Variants in NECTIN1 observed in about 807,000 individuals in gnomAD.
NECTIN1 encodes the protein nectin cell adhesion molecule 1, also known as nectin-1.
NECTIN1 carries 23 observed loss-of-function variants against 48.0 expected under a neutral mutation model. The ratio of observed to expected loss-of-function variants is 0.48; its 90% CI spans 0.34 to 0.68. NECTIN1 has a LOEUF of 0.68. Ranked by LOEUF, NECTIN1 falls within the 30% of genes least tolerant of loss-of-function variation. NECTIN1 has a pLI of 0.01. For synonymous variants in NECTIN1, 270 were observed against 288.9 expected, an observed-to-expected ratio of 0.93 and a Z score of 0.66; for missense variants, 591 against 709.9, an observed-to-expected ratio of 0.83 and a Z score of 1.90.
chr11:119,660,442 G>A (rs1417335882), downstream of NECTIN1, among the ~76,000 whole-genome samples: 2 of 152,134 alleles, frequency 1.3e-5, no homozygotes, highest in Admixed American at 1.3e-4. Flanking sequence ...GAGCTTGCAG[G>A]GGATGGGGCG....
rs1316952532 is a variant in NECTIN1, at chr11:119,665,527, A to G, written c.1004-230T>C. On this transcript the variant is annotated intron_variant, in intron 5 of 5. Coordinates refer to ENST00000264025, the MANE Select transcript of NECTIN1 (RefSeq NM_002855.5). This position sits in a 1 kb window ranked among gnomAD's most constrained non-coding sequence, Gnocchi z 5.1. ...ACAGGCAAGAGGAGAGGCAGAGGGC[A>G]GTACCCACAGCACCAGGGTCTTCCA... Among the ~76,000 whole-genome samples, 1 of 152,148 alleles carries G rather than the reference A, an allele frequency of 6.6e-6. No homozygotes were observed. The highest frequency in any genetic ancestry group is 1.5e-5 in the Non-Finnish European group (1 of 68,020).
Position 119,664,342 on chromosome 11 carries a change from T to G in NECTIN1, c.*405A>C. 1 of 1,026,642 alleles carries G rather than the reference T, an allele frequency of 9.7e-7. No homozygotes were observed. Among genetic ancestry groups the G allele is most frequent in the Non-Finnish European group, 1.2e-6 (1 of 854,866 alleles). 63.6% of individuals were successfully genotyped at this position (1,026,642 alleles called of 1,614,324 possible). On this transcript the variant is annotated 3_prime_UTR_variant, in exon 6 of 6. Transcript: ENST00000264025. ...GGAGCTTTTCCCTCTTAGAGCCCCT[T>G]GAGCCCTCCACCCCCAGTGAAGAAA...
chr11:119,694,142 T>C (rs972635373), intron 1 of NECTIN1, among the ~76,000 whole-genome samples: 3 of 152,080 alleles, frequency 2.0e-5, no homozygotes, highest in Non-Finnish European at 4.4e-5. Context: ...TGACTCCCCA[T>C]TCACAGAGGG....
At chr11:119,711,954 G>A (rs150078972) in intron 1 of NECTIN1, among the ~76,000 whole-genome samples, 17 of 152,284 alleles carry the variant, frequency 1.1e-4, no homozygotes, top group Non-Finnish European at 2.4e-4. Flanking sequence ...TTGGGGAGGG[G>A]TCCTGCAGAA....
At chr11:119,643,673 C>G (rs867857357) in intron 5 of NECTIN1, among the ~76,000 whole-genome samples, 17 of 152,208 alleles carry the variant, frequency 1.1e-4, no homozygotes, top group African/African-American at 4.1e-4. Flanking sequence ...CTGGCCCCAG[C>G]CAGAACCCTG....
intron 1 of NECTIN1, among the ~76,000 whole-genome samples, chr11:119,682,108 G>T (rs1865069602): frequency 6.6e-6 from 1 of 152,156 alleles, no homozygotes. Flanking sequence ...CGTATTAGGG[G>T]CTGCCTGCCT....
At chr11:119,691,145 C>A (rs1194657526) in intron 1 of NECTIN1, among the ~76,000 whole-genome samples, 1 of 152,202 alleles carries the variant, frequency 6.6e-6, no homozygotes, top group African/African-American at 2.4e-5. Flanking sequence ...GTAGCCCCCG[C>A]CCAGGTCTCA....
chr11:119,662,363 G>T lies in NECTIN1; in HGVS notation c.*2384C>A, dbSNP rs573485964. 1 of 985,822 alleles carries T rather than the reference G, an allele frequency of 1.0e-6. No homozygotes were observed. The highest frequency in any genetic ancestry group is 1.7e-5 in the African/African-American group (1 of 57,332). The allele number at this position is 985,822 out of a possible 1,614,324, so 61.1% of individuals were successfully genotyped here. ...TCATGCCCACCCTCAGCCCAGGCTG[G>T]CAGCTGCTCGGTGGGTATGCTGAGG... On this transcript the variant is annotated 3_prime_UTR_variant, in exon 6 of 6. Transcript: ENST00000264025. This position sits in a 1 kb window ranked among gnomAD's most constrained non-coding sequence, Gnocchi z 5.3.
At chr11:119,675,381 A>C in intron 4 of NECTIN1, 71 bp from the exon 5 acceptor site, 1 of 1,579,766 alleles carries the variant, frequency 6.3e-7, no homozygotes, top group Non-Finnish European at 8.7e-7. Context: ...TGGGTCACCC[A>C]CTTGGCTCCA....
intron 1 of NECTIN1, among the ~76,000 whole-genome samples, chr11:119,697,766 C>A (rs575125093): frequency 1.1e-3 from 175 of 152,314 alleles, no homozygotes; most frequent in African/African-American, 4.0e-3. Context: ...ACTGACACTG[C>A]CCCTTGGTTT....
chr11:119,663,829 AC>A lies in NECTIN1; in HGVS notation c.*917del, dbSNP rs1245420897. On this transcript the variant is annotated 3_prime_UTR_variant, in exon 6 of 6. Transcript: ENST00000264025. ...TGTCTCTGGAAGCTTCTATAGGCAG[AC>A]CCCATTCTCAGCTTAAAGGGGGAAT... is the stretch of plus-strand genomic sequence containing the variant. 25 of 985,364 alleles carry A rather than the reference AC, an allele frequency of 2.5e-5. No individual in the cohort carries two copies. Among genetic ancestry groups the A allele is most frequent in the Non-Finnish European group, 2.7e-5 (22 of 830,028 alleles). 61.0% of individuals were successfully genotyped at this position (985,364 alleles called of 1,614,324 possible).
In NECTIN1 at chr11:119,648,388, GTGGTGA is replaced by G. The variant is rs756593136; in HGVS notation, c.1004-8382_1004-8377del. Among the ~76,000 whole-genome samples, 29 of 19,486 alleles carry G rather than the reference GTGGTGA, an allele frequency of 1.5e-3. 1 individual carries two copies. Among genetic ancestry groups the G allele is most frequent in the African/African-American group, 2.5e-3 (11 of 4,482 alleles). The allele number at this position is 19,486 out of a possible 152,430, so 12.8% of individuals were successfully genotyped here. On this transcript the variant is annotated intron_variant, in intron 5 of 7. Transcript: ENST00000341398. ...GGTGATGGTGGTGATGGTGGTGGTG[GTGGTGA>G]TGGTGGTGATGGTGATGGTGGTGGT...
At chr11:119,679,399 C>A (rs887187053) in intron 1 of NECTIN1, among the ~76,000 whole-genome samples, 1 of 152,342 alleles carries the variant, frequency 6.6e-6, no homozygotes, top group Admixed American at 6.5e-5. Context: ...TTCTCCCTCG[C>A]AGCTGAGTCC....
chr11:119,728,833 C>T lies in NECTIN1; in HGVS notation c.-280G>A. On this transcript the variant is annotated 5_prime_UTR_variant, in exon 1 of 6. Transcript: ENST00000264025. The stretch of plus-strand genomic sequence containing the variant: ...TCCGCTCTCCTCCCGGCGCCGGTCC[C>T]CGCCCTCTTCTTCCACGCAGAGCGG... The T allele has an allele frequency of 2.8e-6, 1 of 351,800 alleles. No individual in the cohort carries two copies. The highest frequency in any genetic ancestry group is 5.1e-6 in the Non-Finnish European group (1 of 196,152). 21.8% of individuals were successfully genotyped at this position (351,800 alleles called of 1,614,324 possible).
intron 1 of NECTIN1, among the ~76,000 whole-genome samples, chr11:119,706,621 T>C (rs1243312073): frequency 6.6e-6 from 1 of 152,232 alleles, no homozygotes; most frequent in Non-Finnish European, 1.5e-5. Flanking sequence ...AACGGCATGA[T>C]ATTGCCCCCA....
intron 5 of NECTIN1, among the ~76,000 whole-genome samples, chr11:119,649,426 G>A (rs549905893): frequency 1.3e-5 from 2 of 151,276 alleles, no homozygotes; most frequent in South Asian, 2.1e-4. Flanking sequence ...AGTGGCTCAC[G>A]CCTGTAATCC....
At position 119,661,874 on chromosome 11, in the gene NECTIN1, G is replaced by A; in HGVS notation, c.*2873C>T. The stretch of plus-strand genomic sequence containing the variant: ...TGTACACATGCCTGCGCGTGGGTGT[G>A]TTGGAGGTGTGAGTGTGTCCACTGT... On this transcript the variant is annotated 3_prime_UTR_variant, in exon 6 of 6. Transcript: ENST00000264025. The A allele has an allele frequency of 1.0e-6, 1 of 985,414 alleles. No homozygotes were observed. Among genetic ancestry groups the A allele is most frequent in the Non-Finnish European group, 1.2e-6 (1 of 829,984 alleles). The allele number at this position is 985,414 out of a possible 1,614,324, so 61.0% of individuals were successfully genotyped here.
intron 5 of NECTIN1, among the ~76,000 whole-genome samples, chr11:119,644,288 C>T (rs913796780): frequency 9.2e-5 from 14 of 152,220 alleles, no homozygotes; most frequent in African/African-American, 3.4e-4. Context: ...TGGGGCTTCT[C>T]TGCTCTTCCA....
chr11:119,647,793 T>A (rs1638751651), intron 5 of NECTIN1, among the ~76,000 whole-genome samples: 1 of 152,024 alleles, frequency 6.6e-6, no homozygotes, highest in Admixed American at 6.6e-5. Flanking sequence ...CTGGGCGCGG[T>A]GGCTCACGCC....
Sources: gnomAD v4.1 joint callset for allele counts (sites outside exome capture counted in the v4.1 genomes callset) on GRCh38, gnomAD v4.1.1 for gene constraint, Gnocchi (gnomAD v3.1) non-coding constraint, MANE v1.5 for transcripts, NCBI Gene and HGNC (gene_info 2026-07-23, HGNC 2026-07-21) for gene names.